The following CMSS1 variants were observed in gnomAD, a reference collection of about 807,000 sequenced individuals.
CMSS1 encodes the protein cms1 ribosomal small subunit homolog.
In CMSS1, 33 loss-of-function variants were observed where a neutral mutation model predicts 43.5. The observed-to-expected ratio is 0.76, with a 90% CI of 0.57 to 1.01. CMSS1 has a LOEUF of 1.01. Among genes scored for constraint, CMSS1 ranks in the 50% least tolerant of loss-of-function variants. CMSS1 has a pLI of 0.00. For missense variants in CMSS1, 313 were observed against 326.4 expected (o/e 0.96, Z 0.32); for synonymous variants, 115 against 117.2 (o/e 0.98, Z 0.12).
At chr3:99,936,690 A>C (rs1224867131) in intron 1 of CMSS1, among the ~76,000 whole-genome samples, 1 of 150,324 alleles carries the variant, frequency 6.7e-6, no homozygotes, top group Non-Finnish European at 1.5e-5. Context: ...AGCCTTTTTA[A>C]ATCACTTGCC....
chr3:99,876,066 G>T, intron 1 of CMSS1: 1 of 986,108 alleles, frequency 1.0e-6, no homozygotes, highest in Non-Finnish European at 1.2e-6. Context: ...GCTCTCCCGG[G>T]CTTACCTGAA....
intron 1 of CMSS1, among the ~76,000 whole-genome samples, chr3:99,977,063 T>A (rs1708994077): frequency 6.6e-6 from 1 of 152,198 alleles, no homozygotes; most frequent in South Asian, 2.1e-4. Flanking sequence ...TAATAGCACC[T>A]AGTGTCTCTA....
intron 1 of CMSS1, among the ~76,000 whole-genome samples, chr3:99,873,620 G>GT (rs1036165251): frequency 3.2e-4 from 49 of 151,948 alleles, no homozygotes; most frequent in African/African-American, 1.2e-3. Context: ...TACATTTTCA[G>GT]TTTTTTTTCT....
chr3:100,166,334 G>C lies in CMSS1; in HGVS notation c.356-1G>C. The C allele has an allele frequency of 6.3e-7, 1 of 1,585,598 alleles. No individual in the cohort carries two copies. The highest frequency in any genetic ancestry group is 1.1e-5 in the South Asian group (1 of 90,456). ...ACAAAGCATGTTTATTATATTTCTAGACTCCTGTTTCCTCAAGGCCAATGA... is the reference window on the plus strand; with the variant it reads ...ACAAAGCATGTTTATTATATTTCTACACTCCTGTTTCCTCAAGGCCAATGA... On this transcript the variant is annotated splice_acceptor_variant, in intron 4 of 9. Transcript: ENST00000421999. LOFTEE classifies it high-confidence loss of function.
chr3:99,876,232 G>C, intron 1 of CMSS1: 1 of 985,278 alleles, frequency 1.0e-6, no homozygotes, highest in Middle Eastern at 5.2e-4. Context: ...TGCCTTATAA[G>C]GCGCTCCGCG....
intron 1 of CMSS1, among the ~76,000 whole-genome samples, chr3:99,868,958 A>G (rs1944650873): frequency 6.6e-6 from 1 of 152,200 alleles, no homozygotes; most frequent in East Asian, 1.9e-4. Flanking sequence ...AGCTCCTTAA[A>G]GGAATAATAC....
intron 1 of CMSS1, among the ~76,000 whole-genome samples, chr3:100,140,738 T>C (rs1014805519): frequency 6.6e-6 from 1 of 152,106 alleles, no homozygotes; most frequent in Non-Finnish European, 1.5e-5. Flanking sequence ...GGCCTGAGCT[T>C]ATGCAATTTC....
chr3:100,142,260 G>T (rs1249047309), intron 1 of CMSS1, among the ~76,000 whole-genome samples: 1 of 151,960 alleles, frequency 6.6e-6, no homozygotes, highest in Non-Finnish European at 1.5e-5. Flanking sequence ...ATATCCATGG[G>T]CTCCACATAT....
rs59763622 is a variant in CMSS1 at position 100,178,659 on chromosome 3, G to T, written c.*271G>T. The stretch of plus-strand genomic sequence containing the variant: ...ACCAACTGGCTTCTGATGTAACTGT[G>T]CAGGAGAAAGGAAAGAGCAGCTGGG... On this transcript the variant is annotated 3_prime_UTR_variant, in exon 10 of 10. Transcript: ENST00000421999. The T allele has an allele frequency of 3.1e-4, 95 of 307,526 alleles. No individual in the cohort carries two copies. The East Asian group carries it at 5.2e-3, about 17-fold the overall frequency. The allele number at this position is 307,526 out of a possible 1,614,324, so 19.0% of individuals were successfully genotyped here.
intron 1 of CMSS1, among the ~76,000 whole-genome samples, chr3:99,983,466 A>G (rs1299519941): frequency 0.064 from 382 of 6,010 alleles, 10 homozygotes; most frequent in African/African-American, 0.17. Flanking sequence ...ATATGTGTGT[A>G]TATATATATA....
At chr3:99,904,918 C>A (rs1480593379) in intron 1 of CMSS1, among the ~76,000 whole-genome samples, 1 of 152,160 alleles carries the variant, frequency 6.6e-6, no homozygotes, top group Non-Finnish European at 1.5e-5. Flanking sequence ...TCCTCACCAC[C>A]TTCTTTGGGT....
At chr3:99,921,238 G>A (rs913981420) in intron 1 of CMSS1, among the ~76,000 whole-genome samples, 5 of 152,146 alleles carry the variant, frequency 3.3e-5, no homozygotes, top group East Asian at 1.9e-4. Flanking sequence ...GGCACACTAC[G>A]GGTATTTCAC....
chr3:100,092,997 T>C (rs933170719), intron 1 of CMSS1, among the ~76,000 whole-genome samples: 8 of 152,072 alleles, frequency 5.3e-5, no homozygotes, highest in African/African-American at 1.9e-4. Context: ...AAAGGTTCCA[T>C]AAATTGAGAA....
intron 1 of CMSS1, among the ~76,000 whole-genome samples, chr3:99,827,048 A>G (rs576193846): frequency 1.3e-5 from 2 of 152,352 alleles, no homozygotes; most frequent in African/African-American, 2.4e-5. Context: ...GTTGTGTTAC[A>G]TATAGGTCAG....
intron 1 of CMSS1, among the ~76,000 whole-genome samples, chr3:100,029,855 C>T (rs1230023427): frequency 6.6e-6 from 1 of 152,022 alleles, no homozygotes; most frequent in East Asian, 1.9e-4. Context: ...TAGGAGATGT[C>T]AACAGTCAAA....
intron 1 of CMSS1, among the ~76,000 whole-genome samples, chr3:99,925,184 A>G (rs1402399717): frequency 6.6e-6 from 1 of 152,202 alleles, no homozygotes; most frequent in East Asian, 1.9e-4. Flanking sequence ...TTATACATCA[A>G]GGTATTTCCA....
At chr3:100,038,239 AG>A (rs1443492679) in intron 1 of CMSS1, among the ~76,000 whole-genome samples, 1 of 152,142 alleles carries the variant, frequency 6.6e-6, no homozygotes, top group African/African-American at 2.4e-5. Flanking sequence ...TACAGGCGTG[AG>A]CCACCACGCC....
intron 1 of CMSS1, among the ~76,000 whole-genome samples, chr3:99,852,544 C>T (rs1196887505): frequency 6.6e-6 from 1 of 152,056 alleles, no homozygotes; most frequent in African/African-American, 2.4e-5. Flanking sequence ...CTCCCTGGTT[C>T]AAGCAATTCT....
At chr3:100,150,567 A>T (rs2066898895) in intron 2 of CMSS1, among the ~76,000 whole-genome samples, 1 of 152,204 alleles carries the variant, frequency 6.6e-6, no homozygotes, top group African/African-American at 2.4e-5. Context: ...TCTGTCGCTG[A>T]ATACATGCCT....
Sources: gnomAD v4.1 joint callset for allele counts (sites outside exome capture counted in the v4.1 genomes callset) on GRCh38, gnomAD v4.1.1 for gene constraint, MANE v1.5 for transcripts, NCBI Gene and HGNC (gene_info 2026-07-23, HGNC 2026-07-21) for gene names.